The following KCTD16 variants were observed in gnomAD, a reference collection of about 807,000 sequenced individuals.
KCTD16 encodes the protein potassium channel tetramerization domain containing 16.
Under a neutral mutation model 33.2 loss-of-function variants are expected in KCTD16, and 13 were observed. The observed-to-expected ratio is 0.39, with a 90% CI of 0.25 to 0.62. The LOEUF is 0.62. Among genes scored for constraint, KCTD16 ranks in the 20% least tolerant of loss-of-function variants. The pLI is 0.50. For synonymous variants in KCTD16, 197 were observed against 195.3 expected (o/e 1.01, Z -0.07); for missense variants, 441 against 525.1 (o/e 0.84, Z 1.57).
intron 3 of KCTD16, among the ~76,000 whole-genome samples, chr5:144,413,782 A>T (rs1752985164): frequency 6.6e-6 from 1 of 152,254 alleles, no homozygotes; most frequent in Non-Finnish European, 1.5e-5. Flanking sequence ...CAAAGGGTAT[A>T]ACTTACAAAA....
intron 3 of KCTD16, among the ~76,000 whole-genome samples, chr5:144,245,932 A>G (rs1470313752): frequency 6.6e-6 from 1 of 152,180 alleles, no homozygotes; most frequent in Non-Finnish European, 1.5e-5. Flanking sequence ...AGTCTCAGCT[A>G]TCTCTTTATA....
chr5:144,190,044 T>C (rs1280946043), intron 2 of KCTD16, among the ~76,000 whole-genome samples: 2 of 152,176 alleles, frequency 1.3e-5, no homozygotes, highest in Non-Finnish European at 1.5e-5. Context: ...ATGAATTACA[T>C]AAGCACAAAT....
At chr5:144,300,331 C>T (rs1050579126) in intron 3 of KCTD16, among the ~76,000 whole-genome samples, 1 of 152,128 alleles carries the variant, frequency 6.6e-6, no homozygotes, top group Admixed American at 6.5e-5. Flanking sequence ...TGTCACCCTT[C>T]AAGTTCTCAC....
At chr5:144,381,788 A>T (rs1166123016) in intron 3 of KCTD16, among the ~76,000 whole-genome samples, 1 of 152,222 alleles carries the variant, frequency 6.6e-6, no homozygotes, top group Non-Finnish European at 1.5e-5. Flanking sequence ...GGGTAAGGAC[A>T]TATGTTCAAA....
At chr5:144,342,006 T>C (rs1752658503) in intron 3 of KCTD16, among the ~76,000 whole-genome samples, 1 of 152,326 alleles carries the variant, frequency 6.6e-6, no homozygotes, top group South Asian at 2.1e-4. Context: ...CCTGCGAATA[T>C]CTGAAATATG....
intron 3 of KCTD16, among the ~76,000 whole-genome samples, chr5:144,307,821 C>G (rs1405445202): frequency 6.6e-6 from 1 of 152,216 alleles, no homozygotes; most frequent in Admixed American, 6.5e-5. Context: ...TTCTGAAATT[C>G]TTAGCCAAGA....
At chr5:144,239,774 C>T (rs1008001848) in intron 3 of KCTD16, among the ~76,000 whole-genome samples, 9 of 151,998 alleles carry the variant, frequency 5.9e-5, no homozygotes, top group Non-Finnish European at 1.3e-4. Context: ...AACTATACAA[C>T]GCATAAACTA....
At chr5:144,369,884 CAT>C (rs1003221298) in intron 3 of KCTD16, among the ~76,000 whole-genome samples, 6 of 152,038 alleles carry the variant, frequency 3.9e-5, no homozygotes, top group African/African-American at 1.2e-4. Flanking sequence ...TATAAGAAAA[CAT>C]ATGTAGTATA....
intron 3 of KCTD16, among the ~76,000 whole-genome samples, chr5:144,440,899 C>T (rs2126976880): frequency 6.9e-6 from 1 of 145,362 alleles, no homozygotes; most frequent in Admixed American, 6.9e-5. Context: ...CTCCCCCCAC[C>T]CCACAACAGT....
intron 3 of KCTD16, chr5:144,369,404 G>C (rs555595564): frequency 4.6e-5 from 7 of 152,290 alleles, no homozygotes; most frequent in African/African-American, 1.7e-4. Flanking sequence ...GTGGAGGCAG[G>C]AATACAAATA....
At chr5:144,364,471 A>C (rs1467056303) in intron 3 of KCTD16, among the ~76,000 whole-genome samples, 1 of 152,274 alleles carries the variant, frequency 6.6e-6, no homozygotes, top group African/African-American at 2.4e-5. Context: ...GCATGACTCC[A>C]CAGGTTATCA....
At chr5:144,177,736 G>T (rs1580768116) in intron 2 of KCTD16, among the ~76,000 whole-genome samples, 1 of 152,072 alleles carries the variant, frequency 6.6e-6, no homozygotes, top group Admixed American at 6.5e-5. Flanking sequence ...GATTATCTCT[G>T]TAAAGATCTT....
rs34656558 is a variant in KCTD16, at chr5:144,270,630, T to TAAA, written c.832+63092_832+63094dup. The stretch of plus-strand genomic sequence containing the variant: ...AACCTAATTTTACAAGTAAAAGAAC[T>TAAA]AAAAAAAAAAGGGCAAGCTAAACTC... On this transcript the variant is annotated intron_variant, in intron 3 of 3. Transcript: ENST00000512467. Among the ~76,000 whole-genome samples the TAAA allele has an allele frequency of 2.4e-3, 339 of 138,990 alleles. 1 individual carries two copies. Among genetic ancestry groups the TAAA allele is most frequent in the Admixed American group, 8.8e-3 (125 of 14,140 alleles). The allele number at this position is 138,990 out of a possible 152,430, so 91.2% of individuals were successfully genotyped here.
intron 3 of KCTD16, among the ~76,000 whole-genome samples, chr5:144,298,104 T>A: frequency 6.6e-6 from 1 of 152,216 alleles, no homozygotes. Flanking sequence ...GGGTTCATCC[T>A]AATCGAGCTG....
chr5:144,481,229 A>G lies in KCTD16; in HGVS notation c.*7115A>G, dbSNP rs557057457. On this transcript the variant is annotated 3_prime_UTR_variant, in exon 4 of 4. Transcript: ENST00000512467. The stretch of plus-strand genomic sequence containing the variant: ...ATGATCCTGTTAAAGATGTTTCCCA[A>G]GCTGATCAACAGTAGACCACAAAGT... The G allele has an allele frequency of 2.0e-5, 3 of 152,086 alleles. No homozygotes were observed. The highest frequency in any genetic ancestry group is 7.2e-5 in the African/African-American group (3 of 41,532). 9.4% of individuals were successfully genotyped at this position (152,086 alleles called of 1,614,324 possible).
chr5:144,339,104 G>T (rs1051297793), intron 3 of KCTD16, among the ~76,000 whole-genome samples: 1 of 152,170 alleles, frequency 6.6e-6, no homozygotes, highest in African/African-American at 2.4e-5. Context: ...TTGATCAGCA[G>T]CATCATCACC....
rs191847469 is a variant in KCTD16, at chr5:144,319,671, A to G, written c.832+112125A>G. Among the ~76,000 whole-genome samples the G allele has an allele frequency of 8.5e-5, 13 of 152,306 alleles. No homozygotes were observed. In the East Asian group the frequency reaches 2.5e-3, roughly 29 times the overall value. On this transcript the variant is annotated intron_variant, in intron 3 of 3. Coordinates refer to ENST00000512467, the MANE Select transcript of KCTD16 (RefSeq NM_020768.4). ...GTCAATGTTGTAAGAATGTTATGTCATGGCTTAAGATTTCCATGGATTTTA... is the reference window on the plus strand; with the variant it reads ...GTCAATGTTGTAAGAATGTTATGTCGTGGCTTAAGATTTCCATGGATTTTA...
intron 3 of KCTD16, among the ~76,000 whole-genome samples, chr5:144,248,361 A>T (rs1282893880): frequency 6.6e-6 from 1 of 152,242 alleles, no homozygotes. Context: ...GCTCATGGGC[A>T]TGAGTGTTCA....
At position 144,259,906 on chromosome 5, in the gene KCTD16, T is replaced by C. The variant is rs151102149; in HGVS notation, c.832+52360T>C. Among the ~76,000 whole-genome samples, 720 of 152,312 alleles carry C rather than the reference T, an allele frequency of 4.7e-3. 3 individuals carry two copies. Among genetic ancestry groups the C allele is most frequent in the Non-Finnish European group, 7.5e-3 (513 of 68,014 alleles). On this transcript the variant is annotated intron_variant, in intron 3 of 3. Coordinates refer to ENST00000512467, the MANE Select transcript of KCTD16 (RefSeq NM_020768.4). ...TTAGGATGCCTTGCCCACAGGAATT[T>C]AATGGTTCAACCCCGTTCTGTCATG...
Sources: allele counts gnomAD v4.1 joint callset (sites outside exome capture counted in the v4.1 genomes callset), GRCh38; gene constraint gnomAD v4.1.1; transcripts MANE v1.5; gene names NCBI Gene and HGNC (gene_info 2026-07-23, HGNC 2026-07-21).